GAN: variants seen among roughly 807,000 people sequenced by gnomAD.
The protein encoded by GAN is gigaxonin, also known as epididymis secretory sperm binding protein.
In GAN, 48 loss-of-function variants were observed where a neutral mutation model predicts 71.3. The ratio of observed to expected loss-of-function variants is 0.67; its 90% CI spans 0.53 to 0.86. GAN has a LOEUF of 0.86. Among genes scored for constraint, GAN ranks in the 40% least tolerant of loss-of-function variants. The probability of loss-of-function intolerance (pLI) is 0.00; values close to 1 mark genes in which losing one functional copy is unlikely to be tolerated. For missense variants in GAN, 928 were observed against 770.1 expected, an observed-to-expected ratio of 1.21 and a Z score of -2.43; for synonymous variants, 386 against 276.8, an observed-to-expected ratio of 1.39 and a Z score of -3.92.
chr16:81,324,790 A>T (rs1275121400), intron 1 of GAN, among the ~76,000 whole-genome samples: 1 of 152,178 alleles, frequency 6.6e-6, no homozygotes, highest in East Asian at 1.9e-4. Context: ...ATTTTAAAAG[A>T]GGAATATTTG....
chr16:81,385,723 A>G lies in GAN; in HGVS notation c.*8127A>G, dbSNP rs1904380581. On this transcript the variant is annotated 3_prime_UTR_variant, in exon 11 of 11. Coordinates refer to ENST00000648994, the MANE Select transcript of GAN (RefSeq NM_022041.4). The stretch of plus-strand genomic sequence containing the variant: ...TTTCCACATTCTCACGTCTGCTGCC[A>G]CATGATATACAAGTAAATGTATTAG... The G allele has an allele frequency of 6.6e-6, 1 of 151,928 alleles. No individual in the cohort carries two copies. Among genetic ancestry groups the G allele is most frequent in the African/African-American group, 2.4e-5 (1 of 41,332 alleles). 9.4% of individuals were successfully genotyped at this position (151,928 alleles called of 1,614,324 possible). A position where few individuals can be genotyped will look rare whatever the true frequency, so the allele number is the denominator to read the frequency against.
chr16:81,389,714 G>A lies in GAN; in HGVS notation c.*12118G>A, dbSNP rs982754612. On this transcript the variant is annotated 3_prime_UTR_variant, in exon 11 of 11. Coordinates refer to ENST00000648994, the MANE Select transcript of GAN (RefSeq NM_022041.4). ...CTATCAAGGAAATTCCTGAAAACAA[G>A]ATTTGTAAATTCGATTTGACCCTCC... 1 of 152,182 alleles carries A rather than the reference G, an allele frequency of 6.6e-6. No individual in the cohort carries two copies. Among genetic ancestry groups the A allele is most frequent in the East Asian group, 1.9e-4 (1 of 5,196 alleles). The allele number at this position is 152,182 out of a possible 1,614,324, so 9.4% of individuals were successfully genotyped here.
At chr16:81,354,779 C>G (rs759684851) in intron 3 of GAN, 24 bp downstream of exon 3, 2 of 1,358,014 alleles carry the variant, frequency 1.5e-6, no homozygotes, top group Non-Finnish European at 2.1e-6. Flanking sequence ...ATAACATGGT[C>G]AAATTTGCCT....
In GAN at chr16:81,365,227, A is replaced by G. The variant is rs951485632; in HGVS notation, c.1373+117A>G. 68 of 1,567,186 alleles carry G rather than the reference A, an allele frequency of 4.3e-5. No individual in the cohort carries two copies. The African/African-American group carries it at 4.5e-4, about 10-fold the overall frequency. On this transcript the variant is annotated intron_variant, in intron 8 of 10. Coordinates refer to ENST00000648994, the MANE Select transcript of GAN (RefSeq NM_022041.4). ...AGAGTAACCTTTTCTTTGACTTGGC[A>G]TTTCCTGAGAAAGGAAGGCCCACGT...
intron 1 of GAN, among the ~76,000 whole-genome samples, 160 bp from the exon 2 acceptor site, chr16:81,351,423 G>A (rs775308001): frequency 7.2e-5 from 11 of 152,116 alleles, no homozygotes; most frequent in Non-Finnish European, 1.6e-4. Flanking sequence ...GTAGTTGAAA[G>A]TTATAGAAAT....
intron 1 of GAN, among the ~76,000 whole-genome samples, chr16:81,336,548 C>A (rs145933583): frequency 6.6e-6 from 1 of 152,198 alleles, no homozygotes; most frequent in East Asian, 1.9e-4. Context: ...ACTGTAGCCT[C>A]GACCTACTGG....
intron 9 of GAN, among the ~76,000 whole-genome samples, chr16:81,376,875 T>G (rs1183421753): frequency 6.6e-6 from 1 of 151,870 alleles, no homozygotes; most frequent in Non-Finnish European, 1.5e-5. Context: ...ACCAACAAAT[T>G]CTGGTACATC....
At chr16:81,368,212 T>C (rs1292365849) in intron 9 of GAN, among the ~76,000 whole-genome samples, 1 of 152,202 alleles carries the variant, frequency 6.6e-6, no homozygotes, top group Non-Finnish European at 1.5e-5. Flanking sequence ...AGCAACAGCT[T>C]CATATACCCA....
chr16:81,324,690 G>C (rs954116887), intron 1 of GAN, among the ~76,000 whole-genome samples: 1 of 152,178 alleles, frequency 6.6e-6, no homozygotes, highest in African/African-American at 2.4e-5. Context: ...GATAGGATAT[G>C]AGAAAGGGAC....
chr16:81,326,675 A>C (rs1301837497), intron 1 of GAN, among the ~76,000 whole-genome samples: 6 of 152,268 alleles, frequency 3.9e-5, no homozygotes, highest in Non-Finnish European at 5.9e-5. Context: ...TAGAGGGCAT[A>C]ACCTACTACC....
Position 81,365,610 on chromosome 16 carries a change from CTAGA to C in GAN, c.1502+135_1502+138del. The C allele has an allele frequency of 3.5e-6, 3 of 869,284 alleles. No individual in the cohort carries two copies. In the South Asian group the frequency reaches 4.1e-5, roughly 12 times the overall value. 53.8% of individuals were successfully genotyped at this position (869,284 alleles called of 1,614,324 possible). ...TTTAGGAGATAACGTCTCATGCATACTAGATATTTATTCAGTGACTTCACAAGTG... is the reference window on the plus strand; with the variant it reads ...TTTAGGAGATAACGTCTCATGCATACTATTTATTCAGTGACTTCACAAGTG... On this transcript the variant is annotated intron_variant, in intron 9 of 10. Coordinates refer to ENST00000648994, the MANE Select transcript of GAN (RefSeq NM_022041.4).
chr16:81,352,659 C>G (rs958028844), intron 2 of GAN, among the ~76,000 whole-genome samples: 3 of 152,128 alleles, frequency 2.0e-5, no homozygotes, highest in African/African-American at 7.2e-5. Context: ...TTCATTCTGT[C>G]CAGAGTTAAA....
At chr16:81,346,794 C>G (rs2150681196) in intron 1 of GAN, among the ~76,000 whole-genome samples, 1 of 152,292 alleles carries the variant, frequency 6.6e-6, no homozygotes, top group East Asian at 1.9e-4. Flanking sequence ...GAGCCTGGTG[C>G]TGGGAGAGAA....
At chr16:81,320,050 A>AT (rs1227190916) in intron 1 of GAN, among the ~76,000 whole-genome samples, 5 of 152,188 alleles carry the variant, frequency 3.3e-5, no homozygotes, top group Non-Finnish European at 7.3e-5. Flanking sequence ...TGTTGTATAA[A>AT]TCCAGGCCTG....
intron 1 of GAN, among the ~76,000 whole-genome samples, chr16:81,321,916 G>A (rs1909236346): frequency 6.6e-6 from 1 of 152,188 alleles, no homozygotes; most frequent in Admixed American, 6.5e-5. Context: ...TCCAAAGAAG[G>A]AAGGAAATCA....
intron 1 of GAN, among the ~76,000 whole-genome samples, chr16:81,326,560 G>A (rs914958895): frequency 6.6e-6 from 1 of 152,192 alleles, no homozygotes; most frequent in African/African-American, 2.4e-5. Flanking sequence ...TGAGTTGTCT[G>A]TGATATGTAT....
At chr16:81,330,934 T>C (rs574134927) in intron 1 of GAN, among the ~76,000 whole-genome samples, 1 of 152,316 alleles carries the variant, frequency 6.6e-6, no homozygotes, top group East Asian at 1.9e-4. Context: ...CAGGCAGGCA[T>C]GGTGGTTCAC....
intron 5 of GAN, among the ~76,000 whole-genome samples, chr16:81,360,988 C>T (rs565312277): frequency 6.6e-6 from 1 of 152,136 alleles, no homozygotes; most frequent in Admixed American, 6.5e-5. Context: ...CTTTTGGAGG[C>T]TGAGGCGGGT....
chr16:81,343,709 A>G (rs954563244), intron 1 of GAN, among the ~76,000 whole-genome samples: 2 of 152,226 alleles, frequency 1.3e-5, no homozygotes, highest in South Asian at 4.1e-4. Context: ...AACTGACACA[A>G]GACAAGGATG....
Sources: allele counts gnomAD v4.1 joint callset (sites outside exome capture counted in the v4.1 genomes callset), GRCh38; gene constraint gnomAD v4.1.1; transcripts MANE v1.5; gene names NCBI Gene and HGNC (gene_info 2026-07-23, HGNC 2026-07-21).